UBN2: variants seen among roughly 807,000 people sequenced by gnomAD.
UBN2 encodes ubinuclein-2.
UBN2 carries 35 observed loss-of-function variants against 120.2 expected under a neutral mutation model. The observed-to-expected ratio is 0.29, with a 90% confidence interval of 0.22 to 0.39. The LOEUF is 0.39. UBN2 is among the 10% of genes least tolerant of loss of function. UBN2 has a pLI of 1.00. For synonymous variants in UBN2, 661 were observed against 648.7 expected (o/e 1.02, Z -0.29); for missense variants, 1,693 against 1,663.2 (o/e 1.02, Z -0.31).
intron 8 of UBN2, among the ~76,000 whole-genome samples, chr7:139,271,341 C>A (rs541305011): frequency 1.3e-5 from 2 of 152,106 alleles, no homozygotes; most frequent in Non-Finnish European, 2.9e-5. Flanking sequence ...AATCCGAGCA[C>A]TTTGGGAGGC....
chr7:139,260,763 T>C (rs1796905342), intron 5 of UBN2, among the ~76,000 whole-genome samples: 2 of 152,232 alleles, frequency 1.3e-5, no homozygotes, highest in African/African-American at 4.8e-5. Context: ...TCTTTGGGAA[T>C]GTAGGCTATA....
At chr7:139,282,483 A>G (rs1303265070) in intron 14 of UBN2, among the ~76,000 whole-genome samples, 2 of 152,176 alleles carry the variant, frequency 1.3e-5, no homozygotes, top group East Asian at 3.9e-4. Context: ...AGCATAATTT[A>G]TTTATGCTTG....
At chr7:139,315,949 C>T in the UBN2 span, among the ~76,000 whole-genome samples, 3 of 151,680 alleles carry the variant, frequency 2.0e-5, no homozygotes, top group African/African-American at 7.3e-5. Context: ...TGGTGGCAGG[C>T]GCCTGTAATC....
intron 2 of UBN2, among the ~76,000 whole-genome samples, chr7:139,247,294 T>A (rs1237183552): frequency 6.6e-6 from 1 of 152,146 alleles, no homozygotes; most frequent in Non-Finnish European, 1.5e-5. Context: ...TTTTAGCCAA[T>A]AATGGTTTTA....
intron 7 of UBN2, among the ~76,000 whole-genome samples, chr7:139,268,688 T>C (rs1175979719): frequency 6.6e-6 from 1 of 152,204 alleles, no homozygotes; most frequent in Non-Finnish European, 1.5e-5. Flanking sequence ...GATGTGCTCA[T>C]GGCTCACTGG....
intron 9 of UBN2, 91 bp downstream of exon 9, chr7:139,272,531 T>A (rs1490605249): frequency 3.4e-6 from 3 of 870,472 alleles, no homozygotes; most frequent in East Asian, 5.2e-5. Flanking sequence ...TGTATGTATG[T>A]ATGTATGTAT....
intron 12 of UBN2, 147 bp downstream of exon 12, chr7:139,276,294 C>A (rs1036801088): frequency 1.3e-6 from 1 of 753,992 alleles, no homozygotes; most frequent in African/African-American, 1.8e-5. Context: ...ACACATTTAT[C>A]TATTGAAATA....
At chr7:139,318,697 G>A in the UBN2 span, among the ~76,000 whole-genome samples, 1 of 151,986 alleles carries the variant, frequency 6.6e-6, no homozygotes, top group Admixed American at 6.6e-5. Context: ...ATTTAAAGAA[G>A]AAGGATTTAA....
the UBN2 span, among the ~76,000 whole-genome samples, chr7:139,320,708 T>C: frequency 6.6e-6 from 1 of 151,144 alleles, no homozygotes; most frequent in South Asian, 2.1e-4. Context: ...AATACAAAAA[T>C]TAGCCAGACA....
chr7:139,302,520 C>G lies in UBN2; in HGVS notation c.*4684C>G, dbSNP rs1002350137. 6.6e-6 allele frequency: 1 copy of G among 151,978 alleles called. No individual in the cohort carries two copies. The highest frequency in any genetic ancestry group is 2.4e-5 in the African/African-American group (1 of 41,356). The allele number at this position is 151,978 out of a possible 1,614,324, so 9.4% of individuals were successfully genotyped here. On this transcript the variant is annotated 3_prime_UTR_variant, in exon 18 of 18. Coordinates refer to ENST00000473989, the MANE Select transcript of UBN2 (RefSeq NM_173569.4). ...CTAATATGGTGAAACCCCGTCTCTACTAAAAATACAAAAAATTAGCCAGGC... is the reference window on the plus strand; with the variant it reads ...CTAATATGGTGAAACCCCGTCTCTAGTAAAAATACAAAAAATTAGCCAGGC...
At chr7:139,292,954 TACTC>T (rs1334553730) in intron 15 of UBN2, among the ~76,000 whole-genome samples, 4 of 152,196 alleles carry the variant, frequency 2.6e-5, no homozygotes, top group Non-Finnish European at 5.9e-5. Flanking sequence ...TGGAATTACT[TACTC>T]ATGGTTCAGG....
the UBN2 span, among the ~76,000 whole-genome samples, chr7:139,315,875 G>C: frequency 6.6e-6 from 1 of 151,932 alleles, no homozygotes. Flanking sequence ...TCAGGAGTTC[G>C]AGACCAGCCT....
chr7:139,294,990 A>G (rs964419133), intron 17 of UBN2, among the ~76,000 whole-genome samples: 1 of 152,158 alleles, frequency 6.6e-6, no homozygotes, highest in Admixed American at 6.5e-5. Flanking sequence ...GTCTACCTCC[A>G]TAGACACTGA....
chr7:139,289,026 G>A (rs573076882), intron 15 of UBN2, among the ~76,000 whole-genome samples: 12 of 149,924 alleles, frequency 8.0e-5, no homozygotes, highest in Non-Finnish European at 1.8e-4. Context: ...AAAAATTAAT[G>A]CCCACTACGG....
chr7:139,270,331 C>T lies in UBN2; in HGVS notation c.1596+808C>T, dbSNP rs572532685. On this transcript the variant is annotated intron_variant, in intron 8 of 17. Transcript: ENST00000473989. The stretch of plus-strand genomic sequence containing the variant: ...CAGCCCAGGCTGGAGTGCAGTGGCG[C>T]GATCTCAGCTCACTGCAACCACCAT... Among the ~76,000 whole-genome samples, 10 of 148,846 alleles carry T rather than the reference C, an allele frequency of 6.7e-5. No individual in the cohort carries two copies. In the East Asian group the frequency reaches 1.4e-3, roughly 21 times the overall value.
At chr7:139,256,240 C>T (rs1163135565) in intron 3 of UBN2, among the ~76,000 whole-genome samples, 1 of 152,182 alleles carries the variant, frequency 6.6e-6, no homozygotes, top group African/African-American at 2.4e-5. Context: ...GAACATGTTT[C>T]ACTCCCACGT....
downstream of UBN2, among the ~76,000 whole-genome samples, chr7:139,311,860 A>G (rs1201009282): frequency 1.3e-5 from 2 of 152,186 alleles, no homozygotes; most frequent in Non-Finnish European, 2.9e-5. Flanking sequence ...GGTCTTACAG[A>G]TATTTGGTTT....
chr7:139,322,356 A>G, the UBN2 span, among the ~76,000 whole-genome samples: 1 of 152,226 alleles, frequency 6.6e-6, no homozygotes, highest in Non-Finnish European at 1.5e-5. Context: ...TGGAAAAGCT[A>G]TAAATGTCAT....
chr7:139,262,501 A>G (rs1256575280), intron 6 of UBN2, among the ~76,000 whole-genome samples: 1 of 152,150 alleles, frequency 6.6e-6, no homozygotes, highest in Admixed American at 6.6e-5. Flanking sequence ...ACTTGAGGTC[A>G]GGAGTTTGAG....
Sources: gnomAD v4.1 joint callset for allele counts (sites outside exome capture counted in the v4.1 genomes callset) on GRCh38, gnomAD v4.1.1 for gene constraint, MANE v1.5 for transcripts, NCBI Gene and HGNC (gene_info 2026-07-23, HGNC 2026-07-21) for gene names.